ATCAY: variants seen among roughly 807,000 people sequenced by gnomAD.
ATCAY encodes the protein ATCAY kinesin light chain interacting caytaxin.
In ATCAY, 22 loss-of-function variants were observed where a neutral mutation model predicts 47.7. The ratio of observed to expected loss-of-function variants is 0.46; its 90% CI spans 0.33 to 0.66. The LOEUF is 0.66. Among genes scored for constraint, ATCAY ranks in the 30% least tolerant of loss-of-function variants. The pLI is 0.02. For missense variants in ATCAY, 452 were observed against 515.0 expected, an observed-to-expected ratio of 0.88 and a Z score of 1.18; for synonymous variants, 216 against 207.6, an observed-to-expected ratio of 1.04 and a Z score of -0.35.
At chr19:3,884,971 C>T (rs765916662) in intron 1 of ATCAY, among the ~76,000 whole-genome samples, 43 of 151,690 alleles carry the variant, frequency 2.8e-4, no homozygotes, top group Non-Finnish European at 3.8e-4. Context: ...CATGATGGTA[C>T]ACACCTGTGG....
chr19:3,905,440 C>A lies in ATCAY; in HGVS notation c.143C>A (p.Pro48His), dbSNP rs369506043. 40 of 1,606,800 alleles carry A rather than the reference C, an allele frequency of 2.5e-5. No homozygotes were observed. Among genetic ancestry groups the A allele is most frequent in the Non-Finnish European group, 3.4e-5 (40 of 1,176,098 alleles). ...GSPVEDTSSP[P>H]NTLNFNGAHR... is the part of the protein sequence containing the mutation. ...TTTTCTCATTTCCCTGCAGCTCCTC[C>A]CAACACGCTAAATTTCAACGGAGCG... Residue 48 changes from proline to histidine, a missense_variant, in exon 4 of 13, where the codon CCC (proline) becomes CAC (histidine). By Grantham distance (77) the Pro-to-His change is moderately conservative (BLOSUM62 -2). Coordinates refer to ENST00000450849, the MANE Select transcript of ATCAY (RefSeq NM_033064.5).
intron 1 of ATCAY, among the ~76,000 whole-genome samples, chr19:3,881,611 A>G (rs2038600008): frequency 6.8e-6 from 1 of 147,584 alleles, no homozygotes; most frequent in Non-Finnish European, 1.5e-5. Context: ...ATCTGAGTGC[A>G]GGAGTGTCCG....
chr19:3,894,224 T>C (rs150240468), intron 2 of ATCAY, among the ~76,000 whole-genome samples: 1,837 of 151,328 alleles, frequency 0.012, 40 homozygotes, highest in African/African-American at 0.042. Context: ...GTGGCTCACG[T>C]CTGTAATCCC....
rs1017635035 is a variant in ATCAY at position 3,924,758 on chromosome 19, G to A, written c.*166G>A. 1.5e-6 allele frequency: 1 copy of A among 656,806 alleles called. No individual in the cohort carries two copies. The highest frequency in any genetic ancestry group is 2.5e-6 in the Non-Finnish European group (1 of 402,460). The allele number at this position is 656,806 out of a possible 1,614,324, so 40.7% of individuals were successfully genotyped here. A position where few individuals can be genotyped will look rare whatever the true frequency, so the allele number is the denominator to read the frequency against. On this transcript the variant is annotated 3_prime_UTR_variant, in exon 13 of 13. Transcript: ENST00000450849. ...CTGAAACCCAGCATCCTTTTCAGCT[G>A]CTTGAAAACATTGTATTTTTTTTTT... is the stretch of plus-strand genomic sequence containing the variant.
chr19:3,918,135 A>G (rs1447023282), intron 10 of ATCAY, among the ~76,000 whole-genome samples: 1 of 152,184 alleles, frequency 6.6e-6, no homozygotes, highest in African/African-American at 2.4e-5. Flanking sequence ...CTGTAATCCC[A>G]GCACTTTGGG....
chr19:3,903,876 C>T (rs1402153187), intron 3 of ATCAY, among the ~76,000 whole-genome samples: 2 of 150,712 alleles, frequency 1.3e-5, no homozygotes, highest in Admixed American at 1.3e-4. Flanking sequence ...CCGTGGCTCA[C>T]GCCTGTAATC....
At chr19:3,893,001 T>C (rs2038731639) in intron 2 of ATCAY, among the ~76,000 whole-genome samples, 1 of 152,134 alleles carries the variant, frequency 6.6e-6, no homozygotes, top group Non-Finnish European at 1.5e-5. Context: ...CAAGACCCAA[T>C]CTGGGACCAC....
intron 2 of ATCAY, among the ~76,000 whole-genome samples, chr19:3,892,578 T>C (rs995623725): frequency 6.6e-6 from 1 of 152,190 alleles, no homozygotes; most frequent in African/African-American, 2.4e-5. Context: ...AGTAGGATTA[T>C]ACAATTGTTA....
chr19:3,908,256 G>C lies in ATCAY; in HGVS notation c.545-12G>C. ...AGGACTCTGACGTTGCCGATCGGCT[G>C]CCTCTCCTCAGGGTACTACGGCGAA... On this transcript the variant is annotated splice_polypyrimidine_tract_variant and intron_variant, in intron 5 of 12. Coordinates refer to ENST00000450849, the MANE Select transcript of ATCAY (RefSeq NM_033064.5). 1 of 1,565,002 alleles carries C rather than the reference G, an allele frequency of 6.4e-7. No homozygotes were observed. Among genetic ancestry groups the C allele is most frequent in the Non-Finnish European group, 8.7e-7 (1 of 1,154,326 alleles).
intron 2 of ATCAY, among the ~76,000 whole-genome samples, chr19:3,890,884 G>A (rs1223552688): frequency 6.6e-6 from 1 of 152,162 alleles, no homozygotes; most frequent in Non-Finnish European, 1.5e-5. Flanking sequence ...GCTCCTCGGT[G>A]CAGGTCCAGC....
intron 2 of ATCAY, chr19:3,895,331 C>T: frequency 4.7e-6 from 2 of 424,240 alleles, no homozygotes; most frequent in South Asian, 3.4e-5. Flanking sequence ...TCTCTTGCCT[C>T]AGCCTCCTGA....
intron 11 of ATCAY, 101 bp downstream of exon 11, chr19:3,918,978 C>A: frequency 7.0e-7 from 1 of 1,432,104 alleles, no homozygotes; most frequent in Non-Finnish European, 9.7e-7. Context: ...TGTTCAGGGA[C>A]AGAAAATGGA....
Position 3,925,177 on chromosome 19 carries a change from C to T in ATCAY, c.*585C>T, listed in dbSNP as rs1378390276. The T allele has an allele frequency of 6.5e-6, 1 of 152,978 alleles. No individual in the cohort carries two copies. The highest frequency in any genetic ancestry group is 1.5e-5 in the Non-Finnish European group (1 of 68,592). The allele number at this position is 152,978 out of a possible 1,614,324, so 9.5% of individuals were successfully genotyped here. On this transcript the variant is annotated 3_prime_UTR_variant, in exon 13 of 13. Coordinates refer to ENST00000450849, the MANE Select transcript of ATCAY (RefSeq NM_033064.5). The surrounding 1 kb of genome is among the most constrained non-coding windows in gnomAD (Gnocchi z 4.4). The stretch of plus-strand genomic sequence containing the variant: ...CATGGTTTTTCATTTGACCCGCCCC[C>T]TTCTCGCTCATAATGACACCCAGCT...
chr19:3,917,882 G>C, intron 10 of ATCAY, 105 bp downstream of exon 10: 1 of 1,300,196 alleles, frequency 7.7e-7, no homozygotes, highest in Non-Finnish European at 1.1e-6. Flanking sequence ...AGGGACCATT[G>C]TCCTGTGCAG....
At chr19:3,903,331 T>A (rs2038831065) in intron 3 of ATCAY, among the ~76,000 whole-genome samples, 1 of 151,928 alleles carries the variant, frequency 6.6e-6, no homozygotes. Flanking sequence ...AAGCCCCAGA[T>A]CCCGGGGATG....
At chr19:3,923,444 ATGGATGGATGAG>A (rs1408870159) in intron 12 of ATCAY, among the ~76,000 whole-genome samples, 2 of 143,888 alleles carry the variant, frequency 1.4e-5, no homozygotes, top group East Asian at 3.9e-4. Flanking sequence ...AAATGGATGG[ATGGATGGATGAG>A]TGGATGGATG....
Position 3,899,587 on chromosome 19 carries a change from T to A in ATCAY, c.78-2900T>A, listed in dbSNP as rs566755330. Reference sequence around the variant, plus strand: ...GCCTCGGCCTCCCTAAGTGCCAGGATTACAGGCATGAGCCACCACGCCCGG... The same window carrying A: ...GCCTCGGCCTCCCTAAGTGCCAGGAATACAGGCATGAGCCACCACGCCCGG... On this transcript the variant is annotated intron_variant, in intron 2 of 12. Transcript: ENST00000450849. 7.0e-4 allele frequency among the ~76,000 whole-genome samples: 107 copies of A among 152,202 alleles called. 1 individual carries two copies. The highest frequency in any genetic ancestry group is 2.4e-3 in the African/African-American group (100 of 41,540).
rs2038591116 is a variant in ATCAY, at chr19:3,880,830, T to A, written c.-220T>A. 1 of 152,130 alleles carries A rather than the reference T, an allele frequency of 6.6e-6. No homozygotes were observed. Among genetic ancestry groups the A allele is most frequent in the Admixed American group, 6.6e-5 (1 of 15,266 alleles). The allele number at this position is 152,130 out of a possible 1,614,324, so 9.4% of individuals were successfully genotyped here. ...CCCACCCACCCCTGCACAAAAGAGC[T>A]GGCGGGCGCTGGCCACGTCGCCCTG... On this transcript the variant is annotated 5_prime_UTR_variant, in exon 1 of 13. Coordinates refer to ENST00000450849, the MANE Select transcript of ATCAY (RefSeq NM_033064.5).
At chr19:3,920,605 A>C (rs1392445213) in intron 11 of ATCAY, 161 bp from the exon 12 acceptor site, 3 of 389,300 alleles carry the variant, frequency 7.7e-6, no homozygotes, top group African/African-American at 6.5e-5. Flanking sequence ...AGCCTCCCAA[A>C]GTGCTGGGAT....
Sources: gnomAD v4.1 joint callset for allele counts (sites outside exome capture counted in the v4.1 genomes callset) on GRCh38, gnomAD v4.1.1 for gene constraint, Gnocchi (gnomAD v3.1) non-coding constraint, MANE v1.5 for transcripts, NCBI Gene and HGNC (gene_info 2026-07-23, HGNC 2026-07-21) for gene names.